Variants in NCBP1 observed in about 807,000 individuals in gnomAD.
The protein encoded by NCBP1 is nuclear cap binding protein subunit 1, also known as nuclear cap-binding protein subunit 1.
A neutral mutation model predicts 111.7 loss-of-function variants in NCBP1; 16 were observed. That is an observed-to-expected ratio of 0.14 (90% CI 0.10 to 0.22). The LOEUF is 0.22. Ranked by LOEUF, NCBP1 falls within the 10% of genes least tolerant of loss-of-function variation. NCBP1 has a pLI of 1.00. For missense variants in NCBP1, 607 were observed against 957.5 expected (o/e 0.63, Z 4.83); for synonymous variants, 304 against 314.3 (o/e 0.97, Z 0.35).
intron 10 of NCBP1, among the ~76,000 whole-genome samples, chr9:97,653,049 C>A (rs886415115): frequency 6.6e-6 from 1 of 151,552 alleles, no homozygotes; most frequent in Non-Finnish European, 1.5e-5. Context: ...AAGATCTGAG[C>A]ATCTATTTCA....
At chr9:97,661,740 T>G (rs1171252207) in intron 16 of NCBP1, among the ~76,000 whole-genome samples, 3 of 151,470 alleles carry the variant, frequency 2.0e-5, no homozygotes, top group East Asian at 1.9e-4. Flanking sequence ...GTGTTTTTTT[T>G]TTTTTTTTTT....
Position 97,671,380 on chromosome 9 carries a change from C to G in NCBP1, c.*181C>G, listed in dbSNP as rs1409805952. 5 of 539,302 alleles carry G rather than the reference C, an allele frequency of 9.3e-6. No individual in the cohort carries two copies. The Admixed American group carries it at 1.7e-4, about 18-fold the overall frequency. The allele number at this position is 539,302 out of a possible 1,614,324, so 33.4% of individuals were successfully genotyped here. ...TAATTGCCCTGAAAAGCAAATACTT[C>G]CTAACGGCAGTAATGTGACTATGAC... On this transcript the variant is annotated 3_prime_UTR_variant, in exon 23 of 23. Coordinates refer to ENST00000375147, the MANE Select transcript of NCBP1 (RefSeq NM_002486.5).
At chr9:97,641,180 A>G (rs891285529) in intron 2 of NCBP1, among the ~76,000 whole-genome samples, 5 of 152,136 alleles carry the variant, frequency 3.3e-5, no homozygotes, top group Non-Finnish European at 7.4e-5. Flanking sequence ...TAATTTGCCC[A>G]GAGTAAGAGA....
chr9:97,641,537 A>T, intron 2 of NCBP1, 25 bp from the exon 3 acceptor site: 1 of 1,532,918 alleles, frequency 6.5e-7, no homozygotes, highest in Non-Finnish European at 8.8e-7. Flanking sequence ...TACTTGACAG[A>T]TATTTAATGT....
At chr9:97,655,665 TC>T (rs759040249) in intron 12 of NCBP1, 36 bp from the exon 13 acceptor site, 3 of 1,538,630 alleles carry the variant, frequency 1.9e-6, no homozygotes, top group African/African-American at 2.8e-5. Context: ...CAGTTATTCT[TC>T]CTTTTTCTCT....
At chr9:97,656,150 G>T in intron 14 of NCBP1, 65 bp downstream of exon 14, 1 of 1,260,436 alleles carries the variant, frequency 7.9e-7, no homozygotes, top group East Asian at 2.4e-5. Flanking sequence ...CTCTGCACTT[G>T]TGATGTGTGT....
intron 1 of NCBP1, 140 bp from the exon 2 acceptor site, chr9:97,640,653 GA>G (rs1827181987): frequency 1.6e-6 from 1 of 611,522 alleles, no homozygotes; most frequent in Non-Finnish European, 2.8e-6. Flanking sequence ...CTTAGTCTGA[GA>G]AATGGAGGGT....
At chr9:97,660,870 TCA>T (rs1388540717) in intron 15 of NCBP1, 74 bp from the exon 16 acceptor site, 2 of 1,480,132 alleles carry the variant, frequency 1.4e-6, no homozygotes, top group Non-Finnish European at 1.8e-6. Context: ...AAAATTTTTC[TCA>T]GTTATTTAAC....
In NCBP1 at chr9:97,645,625, G is replaced by T; in HGVS notation, c.504G>T (p.Trp168Cys). 6.2e-7 allele frequency: 1 copy of T among 1,613,566 alleles called. No homozygotes were observed. Among genetic ancestry groups the T allele is most frequent in the Non-Finnish European group, 8.5e-7 (1 of 1,179,622 alleles). The change falls in exon 6 of 23, where the codon TGG becomes TGT. Residue 168 changes from tryptophan (W) to cysteine (C), a missense_variant. Transcript: ENST00000375147. ...EEDVPQVRRD[W>C]YVYAFLSSLP... ...AAATCCTTTAGGTGCGACGAGATTGGTATGTGTATGCATTTCTGTCATCTT... is the reference window on the plus strand; with the variant it reads ...AAATCCTTTAGGTGCGACGAGATTGTTATGTGTATGCATTTCTGTCATCTT...
Position 97,656,510 on chromosome 9 carries a change from C to G in NCBP1, c.1373+425C>G, listed in dbSNP as rs562684710. Among the ~76,000 whole-genome samples the G allele has an allele frequency of 3.3e-5, 5 of 152,160 alleles. No homozygotes were observed. The South Asian group carries it at 1.0e-3, about 32-fold the overall frequency. ...AGAGTCCTTTGAGCCAAGATGGCGC[C>G]ACTGCACTCCAATCTGGCCGACAGA... On this transcript the variant is annotated intron_variant, in intron 14 of 22. Transcript: ENST00000375147.
At chr9:97,661,966 TATTTAGC>T in intron 16 of NCBP1, 69 bp from the exon 17 acceptor site, 1 of 970,404 alleles carries the variant, frequency 1.0e-6, no homozygotes, top group South Asian at 1.4e-5. Flanking sequence ...AGCAACCATC[TATTTAGC>T]ATTTGAGGTA....
intron 11 of NCBP1, among the ~76,000 whole-genome samples, chr9:97,654,350 T>C (rs571028870): frequency 6.6e-6 from 1 of 152,310 alleles, no homozygotes; most frequent in Non-Finnish European, 1.5e-5. Context: ...AGGAGTTGAT[T>C]CCATCTCAAA....
chr9:97,658,570 G>A, intron 14 of NCBP1, 70 bp from the exon 15 acceptor site: 2 of 1,163,722 alleles, frequency 1.7e-6, no homozygotes, highest in South Asian at 2.5e-5. Flanking sequence ...TGACTTTCCA[G>A]GTAAGTCGGG....
chr9:97,645,723 G>C lies in NCBP1; in HGVS notation c.602G>C (p.Ser201Thr), dbSNP rs1827313930. ...EMDRIFANTE[S>T]YLKRRQKTHV... ...GACCGCATCTTTGCCAACACTGAAA[G>C]CTATCTTAAGTAAGGGCACAGCTCA... Residue 201 changes from serine to threonine, a missense_variant, in exon 6 of 23, where the codon AGC (serine) becomes ACC (threonine). This residue lies in a region of NCBP1 where 185 missense variants were observed against 272.0 expected (regional missense o/e 0.68). Transcript: ENST00000375147. 1 of 1,613,754 alleles carries C rather than the reference G, an allele frequency of 6.2e-7. No homozygotes were observed. The highest frequency in any genetic ancestry group is 8.5e-7 in the Non-Finnish European group (1 of 1,179,892).
chr9:97,634,537 C>A (rs934209868), intron 1 of NCBP1: 2 of 152,238 alleles, frequency 1.3e-5, no homozygotes, highest in East Asian at 1.9e-4. Flanking sequence ...AAACTAACTT[C>A]AGGCCTCTGA....
intron 4 of NCBP1, 35 bp downstream of exon 4, chr9:97,643,395 C>T (rs756860724): frequency 1.3e-5 from 20 of 1,509,120 alleles, no homozygotes; most frequent in Non-Finnish European, 1.7e-5. Context: ...GTTATGACTA[C>T]TGTTGGGATG....
chr9:97,665,865 A>G (rs1827986676), intron 19 of NCBP1, among the ~76,000 whole-genome samples: 1 of 151,378 alleles, frequency 6.6e-6, no homozygotes, highest in Admixed American at 6.6e-5. Flanking sequence ...GTAGTCAATT[A>G]ACACATATTT....
At chr9:97,641,697 A>T in intron 3 of NCBP1, 35 bp downstream of exon 3, 1 of 1,553,212 alleles carries the variant, frequency 6.4e-7, no homozygotes, top group South Asian at 1.2e-5. Context: ...TCCAGGTGAT[A>T]ATGTATTATC....
chr9:97,668,675 C>G (rs1173348272), intron 20 of NCBP1, among the ~76,000 whole-genome samples, 171 bp from the exon 21 acceptor site: 2 of 151,752 alleles, frequency 1.3e-5, no homozygotes, highest in Non-Finnish European at 2.9e-5. Flanking sequence ...GTCTCTGAAC[C>G]ACAACAGGAC....
Sources: gnomAD v4.1 joint callset for allele counts (sites outside exome capture counted in the v4.1 genomes callset) on GRCh38, gnomAD v4.1.1 for gene constraint, gnomAD v4.1.1 regional missense constraint, MANE v1.5 for transcripts, NCBI Gene and HGNC (gene_info 2026-07-23, HGNC 2026-07-21) for gene names.